The following AGA variants were observed in gnomAD, a reference collection of about 807,000 sequenced individuals.
The protein encoded by AGA is aspartylglucosaminidase.
AGA carries 31 observed loss-of-function variants against 40.1 expected under a neutral mutation model. That is an observed-to-expected ratio of 0.77 (90% CI 0.58 to 1.04). The LOEUF (loss-of-function observed/expected upper bound fraction) is 1.04, where lower values mean the gene tolerates loss of function less well. Among genes scored for constraint, AGA ranks in the 50% least tolerant of loss-of-function variants. The pLI, the probability that AGA is intolerant of heterozygous loss-of-function variation, is 0.00. For synonymous variants in AGA, 148 were observed against 144.0 expected (o/e 1.03, Z -0.20); for missense variants, 445 against 435.4 (o/e 1.02, Z -0.20).
chr4:177,440,548 C>G, intron 1 of AGA, 122 bp from the exon 2 acceptor site: 1 of 1,072,850 alleles, frequency 9.3e-7, no homozygotes, highest in Non-Finnish European at 1.3e-6. Context: ...GATTTTTTAA[C>G]ACATTAGTTT....
At position 177,436,973 on chromosome 4, in the gene AGA, TCTTGAA is replaced by T. The variant is rs1180956907; in HGVS notation, c.622+426_622+431del. ...CCCTTGCCAGATGCCAGTGCCCTGT[TCTTGAA>T]CTTCTCAGGCTCCAGAACTGTGAGG... On this transcript the variant is annotated intron_variant, in intron 5 of 8. Coordinates refer to ENST00000264595, the MANE Select transcript of AGA (RefSeq NM_000027.4). 6 of 232,742 alleles carry T rather than the reference TCTTGAA, an allele frequency of 2.6e-5. No homozygotes were observed. The East Asian group carries it at 6.9e-4, about 27-fold the overall frequency. The allele number at this position is 232,742 out of a possible 1,614,324, so 14.4% of individuals were successfully genotyped here.
intron 6 of AGA, among the ~76,000 whole-genome samples, chr4:177,435,833 CAGT>C (rs1011660302): frequency 5.4e-5 from 7 of 130,620 alleles, no homozygotes; most frequent in African/African-American, 2.1e-4. Flanking sequence ...CTTTCCAAGC[CAGT>C]AGTTCTGCGT....
chr4:177,442,087 G>T (rs1453821286), intron 1 of AGA, among the ~76,000 whole-genome samples, 162 bp downstream of exon 1: 1 of 152,118 alleles, frequency 6.6e-6, no homozygotes, highest in East Asian at 1.9e-4. Context: ...GAGACTGAGC[G>T]GCGCTGGAGA....
chr4:177,440,254 A>G lies in AGA; in HGVS notation c.281+19T>C. 1 of 1,613,378 alleles carries G rather than the reference A, an allele frequency of 6.2e-7. No homozygotes were observed. The highest frequency in any genetic ancestry group is 8.5e-7 in the Non-Finnish European group (1 of 1,179,776). On this transcript the variant is annotated intron_variant, in intron 2 of 8. Coordinates refer to ENST00000264595, the MANE Select transcript of AGA (RefSeq NM_000027.4). ...AATGTAACTCAACATAATAAATAGG[A>G]CCTGAACGGTGTTCTTACCCATCCA...
At chr4:177,439,376 C>T (rs934437093) in intron 3 of AGA, among the ~76,000 whole-genome samples, 200 bp downstream of exon 3, 4 of 152,108 alleles carry the variant, frequency 2.6e-5, no homozygotes, top group African/African-American at 9.7e-5. Flanking sequence ...AGCGAAACTC[C>T]GTCTCAAAAC....
Position 177,436,308 on chromosome 4 carries a change from T to C in AGA, c.666A>G (p.Thr222=). 1.2e-6 allele frequency: 2 copies of C among 1,613,718 alleles called. No individual in the cohort carries two copies. Among genetic ancestry groups the C allele is most frequent in the Non-Finnish European group, 1.7e-6 (2 of 1,179,816 alleles). Residue 222 remains threonine, a synonymous_variant, in exon 6 of 9, where the codon ACA becomes ACG. Transcript: ENST00000264595. ...IHKTGHIAAG[T]STNGIKFKIH... is the part of the protein sequence containing the mutation. Reference sequence around the variant, plus strand: ...TTTTGAATTTTATACCATTTGTAGATGTACCAGCAGCAATATGTCCTGTCT... The same window carrying C: ...TTTTGAATTTTATACCATTTGTAGACGTACCAGCAGCAATATGTCCTGTCT...
intron 7 of AGA, 30 bp downstream of exon 7, chr4:177,434,352 C>G (rs1455835494): frequency 6.9e-6 from 11 of 1,589,046 alleles, no homozygotes; most frequent in African/African-American, 1.3e-5. Context: ...CTCCAAAGGT[C>G]TCTAAAATTC....
rs1468348094 is a variant in AGA at position 177,431,649 on chromosome 4, A to C, written c.*59T>G. The stretch of plus-strand genomic sequence containing the variant: ...GGAACACTAGATGATGAGAGTGAGC[A>C]GCCTTTTCAGCCTTTGTTTCTTTCT... On this transcript the variant is annotated 3_prime_UTR_variant, in exon 9 of 9. Transcript: ENST00000264595. The C allele has an allele frequency of 2.2e-6, 3 of 1,376,838 alleles. No individual in the cohort carries two copies. In the South Asian group the frequency reaches 3.5e-5, roughly 16 times the overall value. 85.3% of individuals were successfully genotyped at this position (1,376,838 alleles called of 1,614,324 possible). A position where few individuals can be genotyped will look rare whatever the true frequency, so the allele number is the denominator to read the frequency against.
Position 177,434,417 on chromosome 4 carries a change from A to C in AGA, c.771T>G (p.Thr257=), listed in dbSNP as rs1736734050. The C allele has an allele frequency of 8.7e-6, 14 of 1,614,218 alleles. No individual in the cohort carries two copies. Among genetic ancestry groups the C allele is most frequent in the Non-Finnish European group, 1.2e-5 (14 of 1,180,034 alleles). The change falls in exon 7 of 9, where the codon ACT becomes ACG. Residue 257 remains threonine, a synonymous_variant. Coordinates refer to ENST00000264595, the MANE Select transcript of AGA (RefSeq NM_000027.4). Reference sequence around the variant, plus strand: ...AGCGCATCAATATATCACCATTCCCAGTGGCTGCGGCTGCCCCTGCAGTAT... The same window carrying C: ...AGCGCATCAATATATCACCATTCCCCGTGGCTGCGGCTGCCCCTGCAGTAT... ...ADDTAGAAAA[T]GNGDILMRFL...
At chr4:177,439,217 CTAAAAATA>C (rs1736916271) in intron 3 of AGA, among the ~76,000 whole-genome samples, 1 of 152,058 alleles carries the variant, frequency 6.6e-6, no homozygotes, top group Non-Finnish European at 1.5e-5. Context: ...CCCGTCTCTA[CTAAAAATA>C]TAAAAATTAG....
rs12502301 is a variant in AGA at position 177,431,488 on chromosome 4, C to G, written c.*220G>C. The G allele has an allele frequency of 8.3e-3, 4,943 of 597,124 alleles. 102 individuals are homozygous for G. The highest frequency in any genetic ancestry group is 0.052 in the Admixed American group (2,056 of 39,826). 37.0% of individuals were successfully genotyped at this position (597,124 alleles called of 1,614,324 possible). ...AACTTAAATATATACAAAATACAGCCACATACATATTCATCTTCAGATAAT... is the reference window on the plus strand; with the variant it reads ...AACTTAAATATATACAAAATACAGCGACATACATATTCATCTTCAGATAAT... On this transcript the variant is annotated 3_prime_UTR_variant, in exon 9 of 9. Transcript: ENST00000264595.
intron 5 of AGA, 143 bp downstream of exon 5, chr4:177,437,262 C>T (rs534756454): frequency 2.9e-6 from 2 of 680,350 alleles, no homozygotes; most frequent in East Asian, 5.5e-5. Flanking sequence ...GATCCTAAGA[C>T]AAGATGGATC....
rs1736640105 is a variant in AGA at position 177,431,676 on chromosome 4, C to G, written c.*32G>C. 4.5e-6 allele frequency: 7 copies of G among 1,555,498 alleles called. No homozygotes were observed. The highest frequency in any genetic ancestry group is 6.2e-6 in the Non-Finnish European group (7 of 1,127,810). ...CCTTTTCAGCCTTTGTTTCTTTCTT[C>G]TTTAAATACAGATGTTGACAGTAAA... On this transcript the variant is annotated 3_prime_UTR_variant, in exon 9 of 9. Coordinates refer to ENST00000264595, the MANE Select transcript of AGA (RefSeq NM_000027.4).
At chr4:177,439,177 T>C (rs1579044392) in intron 3 of AGA, among the ~76,000 whole-genome samples, 1 of 152,042 alleles carries the variant, frequency 6.6e-6, no homozygotes. Flanking sequence ...AGTCAAGAGA[T>C]TGAGACCATC....
chr4:177,441,466 A>C (rs759593930), intron 1 of AGA, among the ~76,000 whole-genome samples: 10 of 152,166 alleles, frequency 6.6e-5, no homozygotes, highest in Non-Finnish European at 1.5e-4. Context: ...ACAATGCGAA[A>C]ATGCCAAGAT....
rs1579044062 is a variant in AGA, at chr4:177,438,832, C to A, written c.420G>T (p.Gly140=). 1.2e-6 allele frequency: 2 copies of A among 1,604,932 alleles called. No homozygotes were observed. The highest frequency in any genetic ancestry group is 1.7e-6 in the Non-Finnish European group (2 of 1,171,646). The change falls in exon 4 of 9, where the codon GGG becomes GGT. Residue 140 remains glycine, a synonymous_variant. Coordinates refer to ENST00000264595, the MANE Select transcript of AGA (RefSeq NM_000027.4). ...ESATTFAQSM[G]FINEDLSTTA... The stretch of plus-strand genomic sequence containing the variant: ...TGGTAGATAAGTCTTCATTGATAAA[C>A]CCCATACTTTGAGCAAATGTGGTGG...
intron 5 of AGA, 40 bp from the exon 6 acceptor site, chr4:177,436,391 G>C (rs1330992164): frequency 6.5e-7 from 1 of 1,530,906 alleles, no homozygotes; most frequent in South Asian, 1.1e-5. Context: ...GGTGTATAAA[G>C]TTTACCTCAA....
chr4:177,434,492 T>C lies in AGA; in HGVS notation c.699-3A>G, dbSNP rs777491759. 2 of 1,613,144 alleles carry C rather than the reference T, an allele frequency of 1.2e-6. No homozygotes were observed. Among genetic ancestry groups the C allele is most frequent in the Non-Finnish European group, 1.7e-6 (2 of 1,179,314 alleles). ...GTATTGGTGAGTCTCCTACACGGCT[T>C]TGAGAGGGTATTAACAATTTACGGC... On this transcript the variant is annotated splice_region_variant and splice_polypyrimidine_tract_variant and intron_variant, in intron 6 of 8. Transcript: ENST00000264595.
In AGA at chr4:177,433,141, A is replaced by G. The variant is rs538557039; in HGVS notation, c.940+73T>C. On this transcript the variant is annotated intron_variant, in intron 8 of 8. Coordinates refer to ENST00000264595, the MANE Select transcript of AGA (RefSeq NM_000027.4). ...TATTGAATATAGTGTATTGTACAAAACAATATTTAAAAAGTGTATGTTTTA... is the reference window on the plus strand; with the variant it reads ...TATTGAATATAGTGTATTGTACAAAGCAATATTTAAAAAGTGTATGTTTTA... 15 of 1,596,836 alleles carry G rather than the reference A, an allele frequency of 9.4e-6. No homozygotes were observed. In the South Asian group the frequency reaches 9.9e-5, roughly 11 times the overall value.
Sources: allele counts gnomAD v4.1 joint callset (sites outside exome capture counted in the v4.1 genomes callset), GRCh38; gene constraint gnomAD v4.1.1; transcripts MANE v1.5; gene names NCBI Gene and HGNC (gene_info 2026-07-23, HGNC 2026-07-21).